The following MGAT4C variants were observed in gnomAD, a reference collection of about 807,000 sequenced individuals.
The protein encoded by MGAT4C is alpha-1,3-mannosyl-glycoprotein 4-beta-N-acetylglucosaminyltransferase C.
A neutral mutation model predicts 40.1 loss-of-function variants in MGAT4C; 19 were observed. The ratio of observed to expected loss-of-function variants is 0.47; its 90% CI spans 0.33 to 0.70. The LOEUF is 0.70. MGAT4C is among the 30% of genes least tolerant of loss of function. The pLI, the probability that MGAT4C is intolerant of heterozygous loss-of-function variation, is 0.02. For missense variants in MGAT4C, 491 were observed against 563.2 expected (o/e 0.87, Z 1.30); for synonymous variants, 181 against 187.1 (o/e 0.97, Z 0.27).
At chr12:86,672,773 G>T (rs912899830) in intron 2 of MGAT4C, among the ~76,000 whole-genome samples, 2 of 152,106 alleles carry the variant, frequency 1.3e-5, no homozygotes, top group Non-Finnish European at 2.9e-5. Flanking sequence ...TTGGCAGGCA[G>T]GGAAAATGTT....
chr12:86,409,211 G>T (rs531641209), intron 3 of MGAT4C, among the ~76,000 whole-genome samples: 1 of 152,038 alleles, frequency 6.6e-6, no homozygotes, highest in African/African-American at 2.4e-5. Flanking sequence ...TATTCATTGG[G>T]CCAACCAAAT....
chr12:85,984,815 G>A (rs1286864284), intron 3 of MGAT4C, among the ~76,000 whole-genome samples: 1 of 151,706 alleles, frequency 6.6e-6, no homozygotes, highest in Non-Finnish European at 1.5e-5. Context: ...GTCTGGCTCT[G>A]TTGCCCAGGC....
intron 1 of MGAT4C, among the ~76,000 whole-genome samples, chr12:86,756,215 C>CT (rs1172306793): frequency 6.6e-6 from 1 of 151,914 alleles, no homozygotes; most frequent in Non-Finnish European, 1.5e-5. Flanking sequence ...GAATAGCCAC[C>CT]TTTTTTCTGT....
chr12:86,402,210 C>T (rs749686541), intron 3 of MGAT4C, among the ~76,000 whole-genome samples: 21 of 151,794 alleles, frequency 1.4e-4, no homozygotes, highest in Non-Finnish European at 2.1e-4. Context: ...TTTGGGAGGC[C>T]GAGGCAGGCG....
chr12:86,321,138 T>A (rs1355671607), intron 4 of MGAT4C, among the ~76,000 whole-genome samples: 1 of 152,172 alleles, frequency 6.6e-6, no homozygotes, highest in Non-Finnish European at 1.5e-5. Context: ...TCTTAAAGTA[T>A]CAATCTTTCA....
chr12:85,992,497 G>T (rs908198361), intron 2 of MGAT4C, among the ~76,000 whole-genome samples: 1 of 152,102 alleles, frequency 6.6e-6, no homozygotes, highest in Non-Finnish European at 1.5e-5. Flanking sequence ...TCTCTCTTTT[G>T]TGGCTGTCAA....
chr12:86,389,850 G>A (rs1190752472), intron 3 of MGAT4C, among the ~76,000 whole-genome samples: 1 of 151,902 alleles, frequency 6.6e-6, no homozygotes, highest in Non-Finnish European at 1.5e-5. Flanking sequence ...GAATGTTAAG[G>A]ATTTCTTTTC....
chr12:86,190,558 A>G (rs1438699687), intron 1 of MGAT4C, among the ~76,000 whole-genome samples: 2 of 152,054 alleles, frequency 1.3e-5, no homozygotes, highest in African/African-American at 2.4e-5. Context: ...TGCTTTCCTC[A>G]TGGCAAATAT....
At chr12:86,320,307 G>A (rs973464757) in intron 4 of MGAT4C, among the ~76,000 whole-genome samples, 1 of 152,144 alleles carries the variant, frequency 6.6e-6, no homozygotes, top group African/African-American at 2.4e-5. Context: ...TGTTTTGATT[G>A]TAATTTCCAG....
chr12:86,300,705 T>C (rs190947472), intron 4 of MGAT4C, among the ~76,000 whole-genome samples: 1 of 150,654 alleles, frequency 6.6e-6, no homozygotes, highest in African/African-American at 2.4e-5. Context: ...ACCTGCCATG[T>C]AGCAAAAGAT....
chr12:86,202,427 T>C (rs912095454), intron 1 of MGAT4C, among the ~76,000 whole-genome samples: 3 of 152,210 alleles, frequency 2.0e-5, no homozygotes, highest in South Asian at 2.1e-4. Context: ...CTGCATTCAA[T>C]AGATAACGTT....
At position 86,750,731 on chromosome 12, in the gene MGAT4C, C is replaced by A. The variant is rs1216842551; in HGVS notation, c.-261-23490G>T. Among the ~76,000 whole-genome samples the A allele has an allele frequency of 2.0e-5, 3 of 151,654 alleles. No homozygotes were observed. The South Asian group carries it at 6.2e-4, about 32-fold the overall frequency. Reference sequence around the variant, plus strand: ...CAATTCTCTGGGGAGCTTTGCAAGTCGATATAGAACAAGGACATCCTAACC... The same window carrying A: ...CAATTCTCTGGGGAGCTTTGCAAGTAGATATAGAACAAGGACATCCTAACC... On this transcript the variant is annotated intron_variant, in intron 1 of 7. Coordinates refer to the MGAT4C transcript ENST00000548651.
intron 3 of MGAT4C, among the ~76,000 whole-genome samples, chr12:86,424,888 C>G (rs1247575367): frequency 6.6e-6 from 1 of 152,124 alleles, no homozygotes; most frequent in South Asian, 2.1e-4. Flanking sequence ...TCCCGAGTAG[C>G]TGGGACTACA....
intron 1 of MGAT4C, among the ~76,000 whole-genome samples, chr12:86,116,398 T>G (rs148959420): frequency 6.6e-6 from 1 of 151,972 alleles, no homozygotes; most frequent in East Asian, 1.9e-4. Context: ...CAGCTGTAAA[T>G]TTGGTGAGAA....
chr12:86,191,649 AC>A (rs1889475721), intron 1 of MGAT4C, among the ~76,000 whole-genome samples: 1 of 117,730 alleles, frequency 8.5e-6, no homozygotes, highest in African/African-American at 4.9e-5. Context: ...ACACACACAC[AC>A]ACACACACAC....
chr12:86,491,997 C>T (rs1958147004), intron 2 of MGAT4C, among the ~76,000 whole-genome samples: 1 of 152,028 alleles, frequency 6.6e-6, no homozygotes, highest in African/African-American at 2.4e-5. Flanking sequence ...TCTTATACAC[C>T]AATAACAGAC....
rs1565980916 is a variant in MGAT4C at position 86,773,942 on chromosome 12, C to CTTTTTTTTTTTTT, written c.-261-46702_-261-46701insAAAAAAAAAAAAA. ...ACAGGTTCACATTTTTTTAAAGTAA[C>CTTTTTTTTTTTTT]TTCTTTTTTTTTTTTTTTTTTTTTT... On this transcript the variant is annotated intron_variant, in intron 1 of 7. Coordinates refer to the MGAT4C transcript ENST00000548651. Among the ~76,000 whole-genome samples, 4 of 106,520 alleles carry CTTTTTTTTTTTTT rather than the reference C, an allele frequency of 3.8e-5. 2 individuals carry two copies. The allele number at this position is 106,520 out of a possible 152,430, so 69.9% of individuals were successfully genotyped here.
intron 1 of MGAT4C, among the ~76,000 whole-genome samples, chr12:86,242,023 A>G (rs909762203): frequency 6.6e-6 from 1 of 151,686 alleles, no homozygotes. Flanking sequence ...AGTTATCCAC[A>G]CTCTACTGGC....
At chr12:86,277,336 T>C (rs906188262) in intron 4 of MGAT4C, among the ~76,000 whole-genome samples, 18 of 152,206 alleles carry the variant, frequency 1.2e-4, no homozygotes, top group African/African-American at 2.2e-4. Flanking sequence ...CTCCCATTCA[T>C]TGGGCTGTCT....
Sources: gnomAD v4.1 joint callset for allele counts (sites outside exome capture counted in the v4.1 genomes callset) on GRCh38, gnomAD v4.1.1 for gene constraint, MANE v1.5 for transcripts, NCBI Gene and HGNC (gene_info 2026-07-23, HGNC 2026-07-21) for gene names.